GPR39: variants seen among roughly 807,000 people sequenced by gnomAD.
The protein encoded by GPR39 is G protein-coupled receptor 39.
Under a neutral mutation model 18.4 loss-of-function variants are expected in GPR39, and 23 were observed. The ratio of observed to expected loss-of-function variants is 1.25; its 90% CI spans 0.90 to 1.77. GPR39 has a LOEUF of 1.77. Ranked by LOEUF, GPR39 falls within the 40% of genes most tolerant of loss-of-function variation. GPR39 has a pLI of 0.00. For missense variants in GPR39, 647 were observed against 602.4 expected (o/e 1.07, Z -0.78); for synonymous variants, 280 against 257.9 (o/e 1.09, Z -0.82).
rs537571658 is a variant in GPR39, at chr2:132,626,410, A to G, written c.857-18691A>G. Among the ~76,000 whole-genome samples the G allele has an allele frequency of 2.0e-5, 3 of 152,284 alleles. No homozygotes were observed. In the South Asian group the frequency reaches 6.2e-4, roughly 32 times the overall value. On this transcript the variant is annotated intron_variant, in intron 1 of 1. Coordinates refer to ENST00000329321, the MANE Select transcript of GPR39 (RefSeq NM_001508.3). The stretch of plus-strand genomic sequence containing the variant: ...CAGCCTCTGCTTTCACATTGGCGAG[A>G]TAATAAGGCTGCACTACAGTGTCCT...
At chr2:132,611,054 C>T (rs1474534833) in intron 1 of GPR39, among the ~76,000 whole-genome samples, 1 of 152,204 alleles carries the variant, frequency 6.6e-6, no homozygotes, top group Non-Finnish European at 1.5e-5. Context: ...ATGGTCCAGT[C>T]AGCCATTTCT....
intron 1 of GPR39, among the ~76,000 whole-genome samples, chr2:132,520,055 T>C (rs991472274): frequency 2.0e-5 from 3 of 152,210 alleles, no homozygotes; most frequent in African/African-American, 7.2e-5. Flanking sequence ...TTTCCTTCTC[T>C]TCCCTTCCTC....
intron 1 of GPR39, among the ~76,000 whole-genome samples, chr2:132,521,289 C>T (rs764672754): frequency 3.3e-5 from 5 of 152,280 alleles, no homozygotes; most frequent in Non-Finnish European, 5.9e-5. Flanking sequence ...CTGTGAATAG[C>T]GAAAGAACAA....
chr2:132,582,257 T>G (rs887610010), intron 1 of GPR39, among the ~76,000 whole-genome samples: 1 of 152,232 alleles, frequency 6.6e-6, no homozygotes, highest in Non-Finnish European at 1.5e-5. Context: ...GAGGCTGGGC[T>G]ATAGATTACA....
At chr2:132,577,035 C>T (rs535785913) in intron 1 of GPR39, among the ~76,000 whole-genome samples, 1 of 150,068 alleles carries the variant, frequency 6.7e-6, no homozygotes, top group African/African-American at 2.4e-5. Flanking sequence ...ATGAGGTAGA[C>T]AAATTCCTCC....
chr2:132,631,214 A>G (rs1681645353), intron 1 of GPR39, among the ~76,000 whole-genome samples: 2 of 152,208 alleles, frequency 1.3e-5, no homozygotes, highest in Non-Finnish European at 2.9e-5. Context: ...GGATGTTCTC[A>G]TTGTTGCGCT....
chr2:132,427,340 TTTTA>T, intron 1 of GPR39, among the ~76,000 whole-genome samples: 1 of 149,050 alleles, frequency 6.7e-6, no homozygotes. Flanking sequence ...ATATATTTTT[TTTTA>T]TTTTTAGTAG....
At chr2:132,511,780 AC>A (rs1386727582) in intron 1 of GPR39, among the ~76,000 whole-genome samples, 2 of 152,198 alleles carry the variant, frequency 1.3e-5, no homozygotes, top group Non-Finnish European at 2.9e-5. Flanking sequence ...ATTTAACTCT[AC>A]CAACCACTCT....
At chr2:132,430,853 T>A (rs1018001236) in intron 1 of GPR39, among the ~76,000 whole-genome samples, 1 of 152,246 alleles carries the variant, frequency 6.6e-6, no homozygotes, top group African/African-American at 2.4e-5. Context: ...CTTAGTGATG[T>A]GCTCTGACAT....
At position 132,541,602 on chromosome 2, in the gene GPR39, G is replaced by A. The variant is rs1201734516; in HGVS notation, c.857-103499G>A. On this transcript the variant is annotated intron_variant, in intron 1 of 1. Coordinates refer to ENST00000329321, the MANE Select transcript of GPR39 (RefSeq NM_001508.3). The stretch of plus-strand genomic sequence containing the variant: ...GGTCTGTGGACTGAAAACCCAGGAA[G>A]CAGGGGAAAGAGAAGTGTGTGTAAC... Among the ~76,000 whole-genome samples the A allele has an allele frequency of 3.9e-5, 6 of 152,224 alleles. No individual in the cohort carries two copies. In the South Asian group the frequency reaches 6.2e-4, roughly 16 times the overall value.
chr2:132,491,523 G>T (rs1287460150), intron 1 of GPR39, among the ~76,000 whole-genome samples: 1 of 151,944 alleles, frequency 6.6e-6, no homozygotes, highest in Non-Finnish European at 1.5e-5. Flanking sequence ...TATATATAGG[G>T]GAATAGGGGT....
At position 132,417,125 on chromosome 2, in the gene GPR39, G is replaced by A; in HGVS notation, c.83G>A (p.Trp28Ter). 1 of 1,614,098 alleles carries A rather than the reference G, an allele frequency of 6.2e-7. No homozygotes were observed. The highest frequency in any genetic ancestry group is 8.5e-7 in the Non-Finnish European group (1 of 1,180,006). ...SHVPEFEVAT[W>*]IKITLILVYL... Reference sequence around the variant, plus strand: ...GTCCCCGAGTTTGAGGTGGCCACCTGGATCAAAATCACCCTTATTCTGGTG... The same window carrying A: ...GTCCCCGAGTTTGAGGTGGCCACCTAGATCAAAATCACCCTTATTCTGGTG... Residue 28 changes from tryptophan (W) to a stop codon, truncating the protein, a stop_gained, in exon 1 of 2, where the codon TGG (tryptophan) becomes TAG (stop). Transcript: ENST00000329321. LOFTEE classifies it high-confidence loss of function.
chr2:132,550,656 G>A (rs527997525), intron 1 of GPR39, among the ~76,000 whole-genome samples: 86 of 152,286 alleles, frequency 5.6e-4, no homozygotes, highest in African/African-American at 1.8e-3. Flanking sequence ...TACATAGAAT[G>A]TCAGATCTGA....
Position 132,441,844 on chromosome 2 carries a change from C to G in GPR39, c.856+23946C>G, listed in dbSNP as rs374282851. Among the ~76,000 whole-genome samples the G allele has an allele frequency of 5.3e-5, 8 of 152,282 alleles. No individual in the cohort carries two copies. The East Asian group carries it at 1.5e-3, about 29-fold the overall frequency. On this transcript the variant is annotated intron_variant, in intron 1 of 1. Transcript: ENST00000329321. Reference sequence around the variant, plus strand: ...TATATGACTGAAAGTCACAAAATACCTTAATCCGCTCTTCACGCAGAGGGG... The same window carrying G: ...TATATGACTGAAAGTCACAAAATACGTTAATCCGCTCTTCACGCAGAGGGG...
At chr2:132,482,182 G>C (rs1681247266) in intron 1 of GPR39, among the ~76,000 whole-genome samples, 2 of 152,198 alleles carry the variant, frequency 1.3e-5, no homozygotes, top group Admixed American at 1.3e-4. Context: ...ATTAGATCCA[G>C]ACCTTAGTAT....
chr2:132,422,146 G>A (rs928030635), intron 1 of GPR39, among the ~76,000 whole-genome samples: 1 of 152,074 alleles, frequency 6.6e-6, no homozygotes, highest in Non-Finnish European at 1.5e-5. Context: ...TATTTTCTCA[G>A]TAAGATTATA....
intron 1 of GPR39, among the ~76,000 whole-genome samples, chr2:132,492,156 A>AT: frequency 6.8e-6 from 1 of 148,096 alleles, no homozygotes; most frequent in African/African-American, 2.5e-5. Context: ...TACACCACAT[A>AT]AATATATACA....
chr2:132,575,033 CATTT>C (rs1358884780), intron 1 of GPR39, among the ~76,000 whole-genome samples: 3 of 152,074 alleles, frequency 2.0e-5, no homozygotes, highest in African/African-American at 7.2e-5. Flanking sequence ...CAAATTTCTA[CATTT>C]ATTTTTTTCA....
intron 1 of GPR39, among the ~76,000 whole-genome samples, chr2:132,534,557 C>T (rs931169761): frequency 2.7e-5 from 4 of 149,714 alleles, no homozygotes; most frequent in Non-Finnish European, 4.4e-5. Context: ...TATTGTGGCA[C>T]TATTCACAAT....
Sources: allele counts gnomAD v4.1 joint callset (sites outside exome capture counted in the v4.1 genomes callset), GRCh38; gene constraint gnomAD v4.1.1; transcripts MANE v1.5; gene names NCBI Gene and HGNC (gene_info 2026-07-23, HGNC 2026-07-21).